DMBT1: variants seen among roughly 807,000 people sequenced by gnomAD.
The protein encoded by DMBT1 is scavenger receptor cysteine-rich domain-containing protein DMBT1.
Under a neutral mutation model 252.9 loss-of-function variants are expected in DMBT1, and 198 were observed. That is an observed-to-expected ratio of 0.78 (90% CI 0.70 to 0.88). The LOEUF (loss-of-function observed/expected upper bound fraction) is 0.88, where lower values mean the gene tolerates loss of function less well. Ranked by LOEUF, DMBT1 falls within the 40% of genes least tolerant of loss-of-function variation. DMBT1 has a pLI of 0.00. For missense variants in DMBT1, 2,432 were observed against 2,404.7 expected (o/e 1.01, Z -0.24); for synonymous variants, 990 against 942.7 (o/e 1.05, Z -0.92).
chr10:122,630,957 T>C lies in DMBT1; in HGVS notation c.6026-4T>C. On this transcript the variant is annotated splice_polypyrimidine_tract_variant and splice_region_variant and intron_variant, in intron 48 of 55. Coordinates refer to ENST00000338354, the MANE Select transcript of DMBT1 (RefSeq NM_001377530.1). ...CATGATCTCTCAGTTAATGTGTCTTTCAGATGCCACCTTGAGGTTGGTCAA... is the reference window on the plus strand; with the variant it reads ...CATGATCTCTCAGTTAATGTGTCTTCCAGATGCCACCTTGAGGTTGGTCAA... 1 of 1,590,760 alleles carries C rather than the reference T, an allele frequency of 6.3e-7. No individual in the cohort carries two copies. The highest frequency in any genetic ancestry group is 8.6e-7 in the Non-Finnish European group (1 of 1,164,084).
At chr10:122,576,852 C>T (rs2097716828) in intron 7 of DMBT1, 130 bp downstream of exon 7, 2 of 1,100,946 alleles carry the variant, frequency 1.8e-6, no homozygotes, top group Non-Finnish European at 2.6e-6. Context: ...AGATGGCAAA[C>T]CCCATCTCTA....
At chr10:122,572,778 T>G (rs1274480310) in intron 5 of DMBT1, among the ~76,000 whole-genome samples, 1 of 152,126 alleles carries the variant, frequency 6.6e-6, no homozygotes, top group East Asian at 1.9e-4. Context: ...ATACCAAATA[T>G]ATATCTTCCT....
At chr10:122,642,924 G>A (rs1029560853) in intron 55 of DMBT1, among the ~76,000 whole-genome samples, 198 bp from the exon 56 acceptor site, 2 of 152,140 alleles carry the variant, frequency 1.3e-5, no homozygotes, top group Non-Finnish European at 2.9e-5. Flanking sequence ...GGATGGCGGT[G>A]AGGTACCGGA....
intron 2 of DMBT1, among the ~76,000 whole-genome samples, chr10:122,568,758 C>T (rs1341685556): frequency 1.3e-5 from 2 of 152,148 alleles, no homozygotes; most frequent in Admixed American, 6.5e-5. Flanking sequence ...CAGCCCTGGG[C>T]GGGGCCCACT....
Position 122,580,876 on chromosome 10 carries a change from C to T in DMBT1, c.1014C>T (p.Ser338=), listed in dbSNP as rs780251850. Residue 338 remains serine, a synonymous_variant, in exon 11 of 56, where the codon TCC becomes TCT. Transcript: ENST00000338354. ...TTCTCTTTCTCACAGCTCCCCAGTCCCGGCCGACACCCAGCCCAGGTAGGT... is the reference window on the plus strand; with the variant it reads ...TTCTCTTTCTCACAGCTCCCCAGTCTCGGCCGACACCCAGCCCAGGTAGGT... ...DAGVICSAPQ[S]RPTPSPDTWP... is the part of the protein sequence containing the mutation. 6.8e-6 allele frequency: 11 copies of T among 1,613,756 alleles called. No homozygotes were observed. The highest frequency in any genetic ancestry group is 3.3e-5 in the South Asian group (3 of 91,058).
intron 51 of DMBT1, 33 bp from the exon 52 acceptor site, chr10:122,633,158 G>T (rs776559322): frequency 4.3e-6 from 7 of 1,611,674 alleles, no homozygotes; most frequent in Non-Finnish European, 5.9e-6. Flanking sequence ...GTGCTCTGGG[G>T]GTCACCGACA....
chr10:122,568,689 C>T (rs540090080), intron 2 of DMBT1, among the ~76,000 whole-genome samples: 1 of 152,332 alleles, frequency 6.6e-6, no homozygotes, highest in African/African-American at 2.4e-5. Flanking sequence ...GTGATGACAG[C>T]TGGGACGCCC....
At position 122,643,538 on chromosome 10, in the gene DMBT1, C is replaced by T; in HGVS notation, c.*140C>T. On this transcript the variant is annotated 3_prime_UTR_variant, in exon 56 of 56. Transcript: ENST00000338354. ...CCTGGTCATACGGAGTTGAATCAGACCTGGTTCCCGCCTCCCCCAAGGCTC... is the reference window on the plus strand; with the variant it reads ...CCTGGTCATACGGAGTTGAATCAGATCTGGTTCCCGCCTCCCCCAAGGCTC... The T allele has an allele frequency of 1.6e-6, 2 of 1,248,984 alleles. No individual in the cohort carries two copies. Among genetic ancestry groups the T allele is most frequent in the South Asian group, 3.1e-5 (2 of 65,342 alleles). The allele number at this position is 1,248,984 out of a possible 1,614,324, so 77.4% of individuals were successfully genotyped here.
At chr10:122,561,664 G>A (rs1334266261) in intron 1 of DMBT1, among the ~76,000 whole-genome samples, 1 of 142,116 alleles carries the variant, frequency 7.0e-6, no homozygotes, top group African/African-American at 2.6e-5. Flanking sequence ...GTCTGTCTGT[G>A]TTTCTCTCTC....
chr10:122,585,192 G>A lies in DMBT1; in HGVS notation c.1421-79G>A, dbSNP rs951935745. On this transcript the variant is annotated intron_variant, in intron 14 of 55. Coordinates refer to ENST00000338354, the MANE Select transcript of DMBT1 (RefSeq NM_001377530.1). ...AAGTGGGGTAGTTTTCATGATGCTC[G>A]CCTTCTCCGGAGACTTTTCCTTTTG... The A allele has an allele frequency of 3.1e-5, 48 of 1,524,220 alleles. 2 individuals are homozygous for A. The highest frequency in any genetic ancestry group is 3.4e-4 in the Middle Eastern group (2 of 5,926). The allele number at this position is 1,524,220 out of a possible 1,614,324, so 94.4% of individuals were successfully genotyped here. A position where few individuals can be genotyped will look rare whatever the true frequency, so the allele number is the denominator to read the frequency against.
At position 122,576,439 on chromosome 10, in the gene DMBT1, T is replaced by C. The variant is rs564037971; in HGVS notation, c.324T>C (p.Asp108=). Residue 108 remains aspartate, a synonymous_variant, in exon 7 of 56, where the codon GAT becomes GAC. Coordinates refer to ENST00000338354, the MANE Select transcript of DMBT1 (RefSeq NM_001377530.1). ...TGGCCCTGAGGCTGGTGAATGGAGA[T>C]GGCAGGTGTCAGGGCCGAGTGGAGA... ...SGLALRLVNG[D]GRCQGRVEIL... is the part of the protein sequence containing the mutation. 302 of 1,613,688 alleles carry C rather than the reference T, an allele frequency of 1.9e-4. 4 individuals are homozygous for C. The South Asian group carries it at 3.0e-3, about 16-fold the overall frequency.
chr10:122,561,860 A>C (rs1591087687), intron 1 of DMBT1, among the ~76,000 whole-genome samples: 14 of 133,386 alleles, frequency 1.0e-4, no homozygotes, highest in East Asian at 4.6e-4. Flanking sequence ...TTCTCTCTCC[A>C]TCTCTCTTTC....
chr10:122,587,949 C>A (rs144961598), intron 16 of DMBT1, among the ~76,000 whole-genome samples: 1 of 148,288 alleles, frequency 6.7e-6, no homozygotes, highest in African/African-American at 2.4e-5. Context: ...TCCAGCGAGG[C>A]CTATGTCCCT....
chr10:122,561,454 G>A (rs962209927), intron 1 of DMBT1, among the ~76,000 whole-genome samples: 1 of 152,184 alleles, frequency 6.6e-6, no homozygotes, highest in African/African-American at 2.4e-5. Context: ...ATAAACGTGA[G>A]AGAGCCGTCG....
chr10:122,618,862 T>G (rs1383133059), intron 41 of DMBT1, among the ~76,000 whole-genome samples: 2 of 152,248 alleles, frequency 1.3e-5, no homozygotes, highest in African/African-American at 4.8e-5. Flanking sequence ...CCTCAGGTCC[T>G]CTAAGAATGC....
chr10:122,636,309 C>A, intron 53 of DMBT1, 110 bp downstream of exon 53: 2 of 1,022,060 alleles, frequency 2.0e-6, no homozygotes, highest in Non-Finnish European at 1.4e-6. Context: ...CCTTTCAGGT[C>A]ACCAGGGCTT....
At chr10:122,562,201 C>A (rs552748028) in intron 1 of DMBT1, among the ~76,000 whole-genome samples, 287 of 152,002 alleles carry the variant, frequency 1.9e-3, no homozygotes, top group African/African-American at 6.5e-3. Flanking sequence ...TTTCCTACTG[C>A]CTTTTTTTTC....
chr10:122,593,115 G>T (rs1384893326), intron 20 of DMBT1, among the ~76,000 whole-genome samples: 1 of 148,942 alleles, frequency 6.7e-6, no homozygotes, highest in Non-Finnish European at 1.5e-5. Flanking sequence ...TGGAGTCCTT[G>T]ACCTCAGGTC....
At position 122,632,226 on chromosome 10, in the gene DMBT1, C is replaced by T. The variant is rs141075476; in HGVS notation, c.6367+351C>T. ...TGCCCCTGAGCTGCTCTGAGTGTTC[C>T]CAGCATGGCCCTGGCACCTCTCCAA... On this transcript the variant is annotated intron_variant, in intron 50 of 55. Coordinates refer to ENST00000338354, the MANE Select transcript of DMBT1 (RefSeq NM_001377530.1). Among the ~76,000 whole-genome samples, 1,137 of 152,080 alleles carry T rather than the reference C, an allele frequency of 7.5e-3. 8 individuals carry two copies. The highest frequency in any genetic ancestry group is 0.011 in the Non-Finnish European group (775 of 67,964).
Sources: allele counts gnomAD v4.1 joint callset (sites outside exome capture counted in the v4.1 genomes callset), GRCh38; gene constraint gnomAD v4.1.1; transcripts MANE v1.5; gene names NCBI Gene and HGNC (gene_info 2026-07-23, HGNC 2026-07-21).